Variants in ATP2A1 observed in about 807,000 individuals in gnomAD.
ATP2A1 encodes sarcoplasmic/endoplasmic reticulum calcium ATPase 1.
In ATP2A1, 83 loss-of-function variants were observed where a neutral mutation model predicts 109.5. That is an observed-to-expected ratio of 0.76 (90% CI 0.63 to 0.91). The LOEUF (loss-of-function observed/expected upper bound fraction) is 0.91, where lower values mean the gene tolerates loss of function less well. ATP2A1 is among the 40% of genes least tolerant of loss of function. ATP2A1 has a pLI of 0.00. For missense variants in ATP2A1, 1,101 were observed against 1,341.0 expected, an observed-to-expected ratio of 0.82 and a Z score of 2.80; for synonymous variants, 505 against 537.6, an observed-to-expected ratio of 0.94 and a Z score of 0.84.
At chr16:28,891,619 C>T (rs1425780983) in intron 9 of ATP2A1, among the ~76,000 whole-genome samples, 12 of 136,480 alleles carry the variant, frequency 8.8e-5, no homozygotes, top group East Asian at 2.2e-4. Flanking sequence ...TAGCCAGATG[C>T]GGTGGCTCAC....
chr16:28,885,505 G>A (rs1323951500), intron 6 of ATP2A1, among the ~76,000 whole-genome samples: 5 of 151,796 alleles, frequency 3.3e-5, no homozygotes, highest in Non-Finnish European at 5.9e-5. Context: ...CATCACACCC[G>A]GCTAATTTTT....
At chr16:28,889,118 C>G (rs1250372792) in intron 9 of ATP2A1, among the ~76,000 whole-genome samples, 165 bp downstream of exon 9, 4 of 152,126 alleles carry the variant, frequency 2.6e-5, no homozygotes, top group Non-Finnish European at 5.9e-5. Flanking sequence ...TGAACGGGAT[C>G]AGAGAGGACC....
intron 9 of ATP2A1, chr16:28,892,446 AACCTTGGCTC>A: frequency 3.8e-6 from 1 of 263,036 alleles, no homozygotes; most frequent in Non-Finnish European, 8.0e-6. Context: ...GAAAGGCTGT[AACCTTGGCTC>A]CTGGGCGAGA....
In ATP2A1 at chr16:28,902,912, G is replaced by A. The variant is rs111266804; in HGVS notation, c.2744+1G>A. On this transcript the variant is annotated splice_donor_variant, in intron 19 of 22. Coordinates refer to ENST00000395503, the MANE Select transcript of ATP2A1 (RefSeq NM_004320.6). LOFTEE classifies it high-confidence loss of function. This position sits in a 1 kb window ranked among gnomAD's most constrained non-coding sequence, Gnocchi z 4.8. ...TCGAGATGTGCAATGCACTGAACAG[G>A]TGGGGGCCCCCCAGCTACACCCACC... is the stretch of plus-strand genomic sequence containing the variant. 3.7e-6 allele frequency: 6 copies of A among 1,613,804 alleles called. No individual in the cohort carries two copies. The highest frequency in any genetic ancestry group is 5.1e-6 in the Non-Finnish European group (6 of 1,179,910).
chr16:28,880,851 AC>A lies in ATP2A1; in HGVS notation c.220-63del. 1 of 1,464,198 alleles carries A rather than the reference AC, an allele frequency of 6.8e-7. No homozygotes were observed. Among genetic ancestry groups the A allele is most frequent in the Non-Finnish European group, 9.6e-7 (1 of 1,043,836 alleles). 90.7% of individuals were successfully genotyped at this position (1,464,198 alleles called of 1,614,324 possible). A position where few individuals can be genotyped will look rare whatever the true frequency, so the allele number is the denominator to read the frequency against. On this transcript the variant is annotated intron_variant, in intron 3 of 22. Transcript: ENST00000395503. This position sits in a 1 kb window ranked among gnomAD's most constrained non-coding sequence, Gnocchi z 4.2. ...ACAGTTCTCCCCTTTGCAGTGGTCC[AC>A]TTCCTTTCTCCATCTGTTTTGGGGC...
At position 28,898,007 on chromosome 16, in the gene ATP2A1, G is replaced by A. The variant is rs150068594; in HGVS notation, c.1427G>A (p.Arg476His). 1.5e-4 allele frequency: 245 copies of A among 1,614,082 alleles called. No individual in the cohort carries two copies. In the African/African-American group the frequency reaches 1.6e-3, roughly 11 times the overall value. Residue 476 changes from arginine to histidine, a missense_variant, in exon 13 of 23, where the codon CGC (arginine) becomes CAC (histidine). Transcript: ENST00000395503. The surrounding 1 kb of genome is among the most constrained non-coding windows in gnomAD (Gnocchi z 4.0). Reference sequence around the variant, plus strand: ...TCCCTGTCTCCTCTCCAGGTGATCCGCCAGCTAATGAAGAAGGAATTCACC... The same window carrying A: ...TCCCTGTCTCCTCTCCAGGTGATCCACCAGCTAATGAAGAAGGAATTCACC... ...ERANACNSVI[R>H]QLMKKEFTLE... is the part of the protein sequence containing the mutation.
rs781065366 is a variant in ATP2A1, at chr16:28,900,668, G to A, written c.1852G>A (p.Gly618Arg). 3.4e-5 allele frequency: 55 copies of A among 1,610,134 alleles called. No homozygotes were observed. The highest frequency in any genetic ancestry group is 2.9e-4 in the East Asian group (13 of 44,772). Reference sequence around the variant, plus strand: ...CTCCATCCAGCTGTGCCGTGACGCCGGGATCCGGGTGATCATGATCACTGG... The same window carrying A: ...CTCCATCCAGCTGTGCCGTGACGCCAGGATCCGGGTGATCATGATCACTGG... The part of the protein sequence containing the change: ...TGSIQLCRDA[G>R]IRVIMITGDN... Residue 618 changes from glycine (G) to arginine (R), a missense_variant, in exon 15 of 23, where the codon GGG becomes AGG. Coordinates refer to ENST00000395503, the MANE Select transcript of ATP2A1 (RefSeq NM_004320.6).
rs1001640287 is a variant in ATP2A1, at chr16:28,899,653, C to G, written c.1765-928C>G. 6.0e-4 allele frequency among the ~76,000 whole-genome samples: 67 copies of G among 111,276 alleles called. 11 individuals are homozygous for G. Among genetic ancestry groups the G allele is most frequent in the African/African-American group, 2.0e-3 (60 of 29,928 alleles). The allele number at this position is 111,276 out of a possible 152,430, so 73.0% of individuals were successfully genotyped here. ...GACTCCATCCCCTGCGCCCGCCCCC[C>G]CCCCCCCGAAAAAGACACAATTTGG... On this transcript the variant is annotated intron_variant, in intron 14 of 22. Coordinates refer to ENST00000395503, the MANE Select transcript of ATP2A1 (RefSeq NM_004320.6).
chr16:28,899,641 G>GCCC (rs1567489716), intron 14 of ATP2A1, among the ~76,000 whole-genome samples: 3 of 28,250 alleles, frequency 1.1e-4, no homozygotes, highest in Admixed American at 4.3e-4. Context: ...TCCATCCCCT[G>GCCC]CGCCCGCCCC....
intron 6 of ATP2A1, among the ~76,000 whole-genome samples, chr16:28,886,897 C>G (rs1291381994): frequency 6.6e-6 from 1 of 150,532 alleles, no homozygotes; most frequent in Non-Finnish European, 1.5e-5. Flanking sequence ...ACTTGGGAGG[C>G]TGAGGCAGGA....
rs759204844 is a variant in ATP2A1, at chr16:28,888,946, T to C, written c.1088T>C (p.Val363Ala). The C allele has an allele frequency of 6.2e-7, 1 of 1,614,118 alleles. No homozygotes were observed. Among genetic ancestry groups the C allele is most frequent in the South Asian group, 1.1e-5 (1 of 91,078 alleles). The change falls in exon 9 of 23, where the codon GTC (valine) becomes GCC (alanine). Residue 363 changes from valine (V) to alanine (A), a missense_variant. By Grantham distance (64) the Val-to-Ala change is moderately conservative. Transcript: ENST00000395503. Reference protein sequence around the residue: ...TGTLTTNQMSVCKMFIIDKVD... With the variant: ...TGTLTTNQMSACKMFIIDKVD... ...ACCCTCACCACCAACCAGATGTCTG[T>C]CTGCAAGGTCAGGAGCAGTGTGGGC...
intron 6 of ATP2A1, among the ~76,000 whole-genome samples, 193 bp downstream of exon 6, chr16:28,884,848 T>G (rs1963576028): frequency 2.0e-5 from 3 of 152,198 alleles, no homozygotes; most frequent in Non-Finnish European, 4.4e-5. Context: ...CTCAGGATGC[T>G]GAGGCAGGAG....
At chr16:28,889,993 T>C (rs1567484267) in intron 9 of ATP2A1, among the ~76,000 whole-genome samples, 6 of 151,910 alleles carry the variant, frequency 3.9e-5, no homozygotes. Context: ...AATACAAAAA[T>C]TAGCCGGGCA....
At chr16:28,895,642 A>G (rs529022694) in intron 12 of ATP2A1, among the ~76,000 whole-genome samples, 2 of 152,070 alleles carry the variant, frequency 1.3e-5, no homozygotes, top group African/African-American at 4.8e-5. Context: ...CCTGGGCAAC[A>G]TAGTGAGACC....
chr16:28,894,271 G>T, intron 10 of ATP2A1, 28 bp downstream of exon 10: 1 of 1,598,918 alleles, frequency 6.3e-7, no homozygotes, highest in Middle Eastern at 1.7e-4. Context: ...CTTCTCCCCA[G>T]CTCCTCACGC....
Position 28,879,508 on chromosome 16 carries a change from C to T in ATP2A1, c.144C>T (p.Thr48=), listed in dbSNP as rs778222175. The T allele has an allele frequency of 8.1e-6, 13 of 1,614,066 alleles. No homozygotes were observed. In the South Asian group the frequency reaches 1.2e-4, roughly 15 times the overall value. ...CCTTGCCTCCTCCCCCAGGGAAGAC[C>T]CTGTGGGAGCTGGTGATAGAGCAGT... is the stretch of plus-strand genomic sequence containing the variant. The part of the protein sequence containing the change: ...LNELPAEEGK[T]LWELVIEQFE... The change falls in exon 3 of 23, where the codon ACC becomes ACT. Residue 48 remains threonine (T), a synonymous_variant. Coordinates refer to ENST00000395503, the MANE Select transcript of ATP2A1 (RefSeq NM_004320.6).
At chr16:28,900,964 A>G in intron 15 of ATP2A1, 48 bp downstream of exon 15, 1 of 1,609,372 alleles carries the variant, frequency 6.2e-7, no homozygotes, top group South Asian at 1.1e-5. Context: ...GGAGATGACC[A>G]GATGACTGTG....
At chr16:28,892,737 G>A (rs1005158716) in intron 9 of ATP2A1, 1 of 152,224 alleles carries the variant, frequency 6.6e-6, no homozygotes, top group Non-Finnish European at 1.5e-5. Flanking sequence ...ACAGGCTCGT[G>A]TGACTTGGCT....
intron 9 of ATP2A1, among the ~76,000 whole-genome samples, chr16:28,890,756 G>A (rs1194728207): frequency 6.6e-6 from 1 of 151,996 alleles, no homozygotes; most frequent in Non-Finnish European, 1.5e-5. Flanking sequence ...CCCAGTCTCG[G>A]CTCACTACAA....
Sources: allele counts gnomAD v4.1 joint callset (sites outside exome capture counted in the v4.1 genomes callset), GRCh38; gene constraint gnomAD v4.1.1; non-coding constraint Gnocchi (gnomAD v3.1); transcripts MANE v1.5; gene names NCBI Gene and HGNC (gene_info 2026-07-23, HGNC 2026-07-21).